TANC2: variants seen among roughly 807,000 people sequenced by gnomAD.
The protein encoded by TANC2 is tetratricopeptide repeat, ankyrin repeat and coiled-coil containing 2.
A neutral mutation model predicts 210.5 loss-of-function variants in TANC2; 26 were observed. The ratio of observed to expected loss-of-function variants is 0.12; its 90% CI spans 0.09 to 0.17. The LOEUF (loss-of-function observed/expected upper bound fraction) is 0.17. Ranked by LOEUF, TANC2 falls within the 10% of genes least tolerant of loss-of-function variation. The pLI, the probability that TANC2 is intolerant of heterozygous loss-of-function variation, is 1.00. For synonymous variants in TANC2, 931 were observed against 967.1 expected (o/e 0.96, Z 0.69); for missense variants, 2,129 against 2,608.9 (o/e 0.82, Z 4.01).
intron 3 of TANC2, among the ~76,000 whole-genome samples, chr17:63,086,989 C>T (rs985171059): frequency 2.0e-5 from 3 of 152,232 alleles, no homozygotes; most frequent in Non-Finnish European, 4.4e-5. Context: ...CCTGCAGCGG[C>T]AACTCACTGG....
chr17:63,235,514 A>G (rs374940180), intron 7 of TANC2, among the ~76,000 whole-genome samples: 4 of 151,520 alleles, frequency 2.6e-5, no homozygotes, highest in African/African-American at 9.7e-5. Flanking sequence ...CCCTCTTCCC[A>G]CTTCTCTACC....
At chr17:63,175,368 AATTT>A (rs2040539776) in intron 5 of TANC2, among the ~76,000 whole-genome samples, 1 of 151,892 alleles carries the variant, frequency 6.6e-6, no homozygotes, top group Non-Finnish European at 1.5e-5. Context: ...CTCTAGAAAA[AATTT>A]AAGAATTAGC....
At chr17:63,258,915 A>G (rs911566343) in intron 8 of TANC2, among the ~76,000 whole-genome samples, 1 of 151,956 alleles carries the variant, frequency 6.6e-6, no homozygotes, top group Admixed American at 6.6e-5. Context: ...CTCCCTCAAA[A>G]AGGGAATACA....
chr17:63,053,551 T>A (rs2035659452), intron 2 of TANC2, among the ~76,000 whole-genome samples: 1 of 152,240 alleles, frequency 6.6e-6, no homozygotes, highest in Non-Finnish European at 1.5e-5. Flanking sequence ...CTCTTTTCTC[T>A]CTTTTTGTGT....
chr17:63,389,416 G>A (rs2047890503), exon 17 of TANC2: 2 of 1,613,926 alleles, frequency 1.2e-6, no homozygotes, highest in Non-Finnish European at 1.7e-6. Flanking sequence ...CACAGAAATG[G>A]TAGCCCTGCT....
chr17:63,320,667 C>T (rs1489047379), intron 11 of TANC2, among the ~76,000 whole-genome samples: 1 of 152,150 alleles, frequency 6.6e-6, no homozygotes, highest in Non-Finnish European at 1.5e-5. Context: ...AATATTGCTA[C>T]TAAATACTCT....
intron 1 of TANC2, among the ~76,000 whole-genome samples, chr17:62,972,262 T>G (rs1432262242): frequency 1.3e-5 from 2 of 152,236 alleles, no homozygotes; most frequent in Non-Finnish European, 2.9e-5. Context: ...ATGACGTATC[T>G]TGTTATGTTC....
At chr17:63,133,002 C>CT (rs1257587362) in intron 4 of TANC2, among the ~76,000 whole-genome samples, 2 of 152,062 alleles carry the variant, frequency 1.3e-5, no homozygotes, top group African/African-American at 4.8e-5. Flanking sequence ...GAGATGGATG[C>CT]TTGTTCTGTC....
intron 8 of TANC2, among the ~76,000 whole-genome samples, chr17:63,262,559 G>A (rs948432380): frequency 6.6e-6 from 1 of 151,512 alleles, no homozygotes; most frequent in African/African-American, 2.4e-5. Flanking sequence ...ACCACATCTA[G>A]TCAGGGTTCT....
intron 3 of TANC2, among the ~76,000 whole-genome samples, chr17:63,090,422 C>T (rs1347887034): frequency 6.6e-6 from 1 of 151,950 alleles, no homozygotes; most frequent in African/African-American, 2.4e-5. Context: ...TCCATGTGTT[C>T]TCATTGTTCA....
intron 4 of TANC2, among the ~76,000 whole-genome samples, chr17:63,121,839 T>C (rs1004890289): frequency 1.3e-5 from 2 of 152,088 alleles, no homozygotes; most frequent in African/African-American, 4.8e-5. Context: ...GGCATACATA[T>C]GCCTGTAGTC....
intron 5 of TANC2, among the ~76,000 whole-genome samples, chr17:63,173,134 CAA>C (rs1416048138): frequency 5.9e-5 from 9 of 152,160 alleles, no homozygotes; most frequent in Middle Eastern, 3.4e-3. Flanking sequence ...GTCTATAAAA[CAA>C]AGAGAATTTC....
At chr17:63,001,936 C>G (rs1433937822) in intron 1 of TANC2, among the ~76,000 whole-genome samples, 15 of 152,208 alleles carry the variant, frequency 9.9e-5, no homozygotes. Context: ...ATATTTAGCA[C>G]TTCCTGTGTA....
chr17:63,169,091 G>T (rs2040311433), intron 5 of TANC2, among the ~76,000 whole-genome samples: 1 of 152,104 alleles, frequency 6.6e-6, no homozygotes, highest in African/African-American at 2.4e-5. Flanking sequence ...TTGGAGAAAT[G>T]GTCATCAAAT....
chr17:63,413,249 A>G, intron 24 of TANC2: 2 of 293,410 alleles, frequency 6.8e-6, no homozygotes, highest in Non-Finnish European at 1.2e-5. Flanking sequence ...CTTATTTAAA[A>G]TAATTCCAAA....
chr17:63,249,958 C>G (rs1173945136), intron 8 of TANC2, among the ~76,000 whole-genome samples: 5 of 152,052 alleles, frequency 3.3e-5, no homozygotes. Context: ...ATGTTGTATA[C>G]CAAATGTCTG....
intron 4 of TANC2, among the ~76,000 whole-genome samples, chr17:63,140,617 G>A (rs2039253298): frequency 6.6e-6 from 1 of 152,228 alleles, no homozygotes. Flanking sequence ...GAAGGGAATG[G>A]AGACCAGGAT....
chr17:63,172,767 A>G (rs1364943046), intron 5 of TANC2, among the ~76,000 whole-genome samples: 1 of 152,178 alleles, frequency 6.6e-6, no homozygotes, highest in African/African-American at 2.4e-5. Context: ...TAAATAACAT[A>G]TGTTCTCTCT....
At chr17:63,007,784 T>A (rs2033686665) in intron 1 of TANC2, among the ~76,000 whole-genome samples, 1 of 152,128 alleles carries the variant, frequency 6.6e-6, no homozygotes, top group African/African-American at 2.4e-5. Flanking sequence ...CTATCATTGT[T>A]ATTTTTATAG....
Sources: gnomAD v4.1 joint callset for allele counts (sites outside exome capture counted in the v4.1 genomes callset) on GRCh38, gnomAD v4.1.1 for gene constraint, MANE v1.5 for transcripts, NCBI Gene and HGNC (gene_info 2026-07-23, HGNC 2026-07-21) for gene names.